The following LRRTM4 variants were observed in gnomAD, a reference collection of about 807,000 sequenced individuals.
LRRTM4 encodes the protein leucine rich repeat transmembrane neuronal 4.
Under a neutral mutation model 47.6 loss-of-function variants are expected in LRRTM4, and 25 were observed. The observed-to-expected ratio is 0.53, with a 90% CI of 0.38 to 0.73. LRRTM4 has a LOEUF of 0.73. LRRTM4 is among the 30% of genes least tolerant of loss of function. The pLI is 0.00. For synonymous variants in LRRTM4, 311 were observed against 269.5 expected (o/e 1.15, Z -1.51); for missense variants, 638 against 713.4 (o/e 0.89, Z 1.20).
At chr2:76,811,957 A>G (rs1024761526) in intron 3 of LRRTM4, among the ~76,000 whole-genome samples, 3 of 152,150 alleles carry the variant, frequency 2.0e-5, no homozygotes, top group African/African-American at 7.2e-5. Flanking sequence ...TACTTTTCTT[A>G]TGTTAAGCCC....
At chr2:77,390,439 C>T (rs1006890671) in intron 3 of LRRTM4, among the ~76,000 whole-genome samples, 1 of 151,976 alleles carries the variant, frequency 6.6e-6, no homozygotes, top group African/African-American at 2.4e-5. Context: ...CTGAAACACT[C>T]ATGCAACTTT....
intron 3 of LRRTM4, among the ~76,000 whole-genome samples, chr2:76,849,298 A>G (rs577262047): frequency 6.6e-6 from 1 of 152,172 alleles, no homozygotes; most frequent in East Asian, 1.9e-4. Context: ...GAAATTCAGC[A>G]TTGTCAGTGT....
chr2:77,229,514 A>G (rs1280203548), intron 3 of LRRTM4, among the ~76,000 whole-genome samples: 5 of 152,132 alleles, frequency 3.3e-5, no homozygotes, highest in Non-Finnish European at 7.4e-5. Context: ...ATATCATTAA[A>G]TGGCAACCAC....
chr2:76,784,215 C>A (rs2104172838), intron 3 of LRRTM4, among the ~76,000 whole-genome samples: 1 of 152,044 alleles, frequency 6.6e-6, no homozygotes, highest in African/African-American at 2.4e-5. Flanking sequence ...GAGAAAGAAT[C>A]CAATTTCTTT....
chr2:76,796,186 A>G lies in LRRTM4; in HGVS notation c.1552-47270T>C, dbSNP rs1675310808. On this transcript the variant is annotated intron_variant, in intron 3 of 3. Coordinates refer to ENST00000409884, the MANE Select transcript of LRRTM4 (RefSeq NM_001134745.3). ...GTCCTACGCCCACAGAGCCTCGCTG[A>G]TTGCTAGCACAGCAGTCTGAGATCA... is the stretch of plus-strand genomic sequence containing the variant. Among the ~76,000 whole-genome samples, 3 of 143,154 alleles carry G rather than the reference A, an allele frequency of 2.1e-5. 1 individual carries two copies. The highest frequency in any genetic ancestry group is 4.7e-5 in the Non-Finnish European group (3 of 64,420). The allele number at this position is 143,154 out of a possible 152,430, so 93.9% of individuals were successfully genotyped here. A position where few individuals can be genotyped will look rare whatever the true frequency, so the allele number is the denominator to read the frequency against.
intron 3 of LRRTM4, among the ~76,000 whole-genome samples, chr2:77,369,187 GTT>G (rs1348273153): frequency 6.6e-6 from 1 of 151,586 alleles, no homozygotes; most frequent in East Asian, 1.9e-4. Flanking sequence ...TTTTAATATG[GTT>G]TTGTGTTTTC....
chr2:77,372,287 A>G (rs1159565535), intron 3 of LRRTM4, among the ~76,000 whole-genome samples: 2 of 151,792 alleles, frequency 1.3e-5, no homozygotes, highest in African/African-American at 4.8e-5. Context: ...AAAACTGTCC[A>G]GAGACATACA....
chr2:76,938,566 G>A (rs568757535), intron 3 of LRRTM4, among the ~76,000 whole-genome samples: 2 of 152,128 alleles, frequency 1.3e-5, no homozygotes, highest in South Asian at 2.1e-4. Flanking sequence ...TTAATGAGCT[G>A]AATTATAATA....
intron 3 of LRRTM4, among the ~76,000 whole-genome samples, chr2:76,893,017 C>A (rs1673303566): frequency 1.3e-5 from 2 of 148,242 alleles, no homozygotes; most frequent in South Asian, 2.2e-4. Context: ...TAATTTGAAC[C>A]ACAGAGAAAC....
intron 3 of LRRTM4, among the ~76,000 whole-genome samples, chr2:76,956,347 C>A (rs775278948): frequency 1.5e-4 from 23 of 150,912 alleles, no homozygotes; most frequent in African/African-American, 5.6e-4. Flanking sequence ...ATAACTAATA[C>A]GTAAAGAAGG....
At chr2:77,488,533 G>A (rs1254306772) in intron 3 of LRRTM4, among the ~76,000 whole-genome samples, 2 of 152,148 alleles carry the variant, frequency 1.3e-5, no homozygotes, top group Admixed American at 1.3e-4. Context: ...TGATCACAAA[G>A]TTTTTCATCT....
At chr2:76,879,236 A>G (rs1397015519) in intron 3 of LRRTM4, among the ~76,000 whole-genome samples, 1 of 152,218 alleles carries the variant, frequency 6.6e-6, no homozygotes, top group Non-Finnish European at 1.5e-5. Flanking sequence ...GATGGCATCT[A>G]GGACTTTCAT....
intron 3 of LRRTM4, among the ~76,000 whole-genome samples, chr2:77,318,413 G>T (rs193192891): frequency 2.1e-4 from 32 of 152,244 alleles, no homozygotes; most frequent in African/African-American, 7.5e-4. Context: ...CACACAGGAA[G>T]CTCAAAGTCA....
intron 3 of LRRTM4, among the ~76,000 whole-genome samples, chr2:77,265,580 T>C (rs556170396): frequency 2.0e-4 from 30 of 152,200 alleles, no homozygotes; most frequent in African/African-American, 7.0e-4. Flanking sequence ...TTATTATAAA[T>C]TATCCATCTG....
At chr2:77,029,482 A>G (rs984249988) in intron 3 of LRRTM4, among the ~76,000 whole-genome samples, 4 of 152,148 alleles carry the variant, frequency 2.6e-5, no homozygotes, top group African/African-American at 4.8e-5. Context: ...AGCATGCAGC[A>G]TGGGAGAAAG....
intron 3 of LRRTM4, among the ~76,000 whole-genome samples, chr2:77,149,397 A>G (rs941811131): frequency 2.6e-5 from 4 of 152,064 alleles, no homozygotes; most frequent in Non-Finnish European, 4.4e-5. Flanking sequence ...TTATACTTCT[A>G]TTGGACAGCA....
intron 3 of LRRTM4, among the ~76,000 whole-genome samples, chr2:77,143,471 T>C (rs1198278314): frequency 6.6e-6 from 1 of 152,202 alleles, no homozygotes; most frequent in African/African-American, 2.4e-5. Context: ...TCTTTCTTGG[T>C]AGTGGTAAAA....
chr2:77,376,597 A>C (rs1672850495), intron 3 of LRRTM4, among the ~76,000 whole-genome samples: 1 of 151,650 alleles, frequency 6.6e-6, no homozygotes, highest in Non-Finnish European at 1.5e-5. Flanking sequence ...AGTTGATCTC[A>C]ATCTTATGCC....
At chr2:77,426,453 A>G (rs978230466) in intron 3 of LRRTM4, among the ~76,000 whole-genome samples, 1 of 152,154 alleles carries the variant, frequency 6.6e-6, no homozygotes, top group Non-Finnish European at 1.5e-5. Flanking sequence ...CTTTTAGAGT[A>G]GCACAAATTT....
Sources: allele counts gnomAD v4.1 joint callset (sites outside exome capture counted in the v4.1 genomes callset), GRCh38; gene constraint gnomAD v4.1.1; transcripts MANE v1.5; gene names NCBI Gene and HGNC (gene_info 2026-07-23, HGNC 2026-07-21).